Variants in EFR3A observed in about 807,000 individuals in gnomAD.
The protein encoded by EFR3A is protein EFR3 homolog A.
In EFR3A, 76 loss-of-function variants were observed where a neutral mutation model predicts 104.4. That is an observed-to-expected ratio of 0.73 (90% CI 0.60 to 0.88). EFR3A has a LOEUF of 0.88. EFR3A is among the 40% of genes least tolerant of loss of function. The probability of loss-of-function intolerance (pLI) is 0.00; values close to 1 mark genes in which losing one functional copy is unlikely to be tolerated. For missense variants in EFR3A, 985 were observed against 1,012.5 expected, an observed-to-expected ratio of 0.97 and a Z score of 0.37; for synonymous variants, 330 against 330.0, an observed-to-expected ratio of 1.00 and a Z score of 0.00.
At chr8:131,971,340 C>G (rs1199058892) in intron 10 of EFR3A, among the ~76,000 whole-genome samples, 1 of 152,100 alleles carries the variant, frequency 6.6e-6, no homozygotes, top group Non-Finnish European at 1.5e-5. Context: ...TGAGTAAAGT[C>G]CCCCTCCCAC....
At position 132,012,666 on chromosome 8, in the gene EFR3A, AG is replaced by A. The variant is rs1433925144; in HGVS notation, c.*1776del. On this transcript the variant is annotated 3_prime_UTR_variant, in exon 23 of 23. Transcript: ENST00000254624. ...CTATATATTTTAAAAAAATCTAAGC[AG>A]GGGGACATGCAAAAACAATCATCAT... 6.6e-6 allele frequency: 1 copy of A among 152,550 alleles called. No individual in the cohort carries two copies. Among genetic ancestry groups the A allele is most frequent in the Non-Finnish European group, 1.5e-5 (1 of 68,028 alleles). 9.4% of individuals were successfully genotyped at this position (152,550 alleles called of 1,614,324 possible).
Position 132,011,715 on chromosome 8 carries a change from T to C in EFR3A, c.*820T>C, listed in dbSNP as rs536506775. On this transcript the variant is annotated 3_prime_UTR_variant, in exon 23 of 23. Transcript: ENST00000254624. ...CCATTAATTAAATGAGATATATATT[T>C]AGTGCAGAAAAAAGACATTTAAAAC... The C allele has an allele frequency of 6.5e-6, 1 of 152,900 alleles. No homozygotes were observed. Among genetic ancestry groups the C allele is most frequent in the South Asian group, 2.1e-4 (1 of 4,828 alleles). 9.5% of individuals were successfully genotyped at this position (152,900 alleles called of 1,614,324 possible).
intron 8 of EFR3A, 63 bp downstream of exon 8, chr8:131,959,726 A>C: frequency 1.8e-6 from 2 of 1,091,816 alleles, no homozygotes; most frequent in Admixed American, 2.2e-5. Flanking sequence ...ATGGATAAGC[A>C]CATTATCAAA....
intron 10 of EFR3A, among the ~76,000 whole-genome samples, chr8:131,971,515 C>T (rs1027831609): frequency 3.9e-5 from 6 of 152,082 alleles, no homozygotes; most frequent in South Asian, 2.1e-4. Context: ...GGTGAAACCC[C>T]GTCTCTACTA....
At chr8:131,970,855 T>C (rs1270390759) in intron 10 of EFR3A, among the ~76,000 whole-genome samples, 1 of 152,238 alleles carries the variant, frequency 6.6e-6, no homozygotes, top group Non-Finnish European at 1.5e-5. Context: ...TCATCTATTG[T>C]TGACATTTTA....
intron 1 of EFR3A, among the ~76,000 whole-genome samples, chr8:131,910,358 A>T (rs1586514052): frequency 6.6e-6 from 1 of 150,538 alleles, no homozygotes; most frequent in Non-Finnish European, 1.5e-5. Flanking sequence ...TGCAACCTCC[A>T]CCTCCTGGAC....
At chr8:131,942,663 GATAAA>G (rs1818219676) in intron 2 of EFR3A, among the ~76,000 whole-genome samples, 1 of 152,072 alleles carries the variant, frequency 6.6e-6, no homozygotes, top group African/African-American at 2.4e-5. Context: ...AAGATAATCT[GATAAA>G]ATATAATAGT....
At chr8:131,925,980 A>T (rs924586573) in intron 1 of EFR3A, among the ~76,000 whole-genome samples, 3 of 152,240 alleles carry the variant, frequency 2.0e-5, no homozygotes, top group Admixed American at 6.5e-5. Context: ...TGAGTTTTAA[A>T]ATAAATGCAA....
At chr8:131,989,776 A>G (rs974131013) in intron 18 of EFR3A, among the ~76,000 whole-genome samples, 3 of 152,200 alleles carry the variant, frequency 2.0e-5, no homozygotes, top group Admixed American at 2.0e-4. Flanking sequence ...TCTAGTGGGA[A>G]AAGCAGATGA....
intron 14 of EFR3A, 104 bp downstream of exon 14, chr8:131,979,525 T>C (rs1563685888): frequency 1.2e-6 from 1 of 858,428 alleles, no homozygotes; most frequent in Admixed American, 2.8e-5. Flanking sequence ...AGCCATAGAA[T>C]TTTGAATTTG....
intron 19 of EFR3A, among the ~76,000 whole-genome samples, chr8:131,998,735 T>C (rs560195213): frequency 1.9e-4 from 29 of 152,230 alleles, no homozygotes; most frequent in Middle Eastern, 3.4e-3. Context: ...CAGTTGATTT[T>C]ATACCTTTTA....
At chr8:131,965,196 A>G (rs1819631804) in intron 8 of EFR3A, among the ~76,000 whole-genome samples, 1 of 152,232 alleles carries the variant, frequency 6.6e-6, no homozygotes, top group South Asian at 2.1e-4. Context: ...CAATGGCAAC[A>G]AAAGCCACAA....
intron 8 of EFR3A, among the ~76,000 whole-genome samples, chr8:131,965,371 GA>G (rs907739986): frequency 6.6e-6 from 1 of 151,894 alleles, no homozygotes; most frequent in Non-Finnish European, 1.5e-5. Context: ...AAGTTTGCAA[GA>G]AAAAAACAAC....
At chr8:131,949,942 G>A (rs1563654682) in intron 4 of EFR3A, 27 bp from the exon 5 acceptor site, 4 of 1,549,524 alleles carry the variant, frequency 2.6e-6, no homozygotes, top group Admixed American at 4.1e-5. Flanking sequence ...AGAAGGTGAA[G>A]TATATTATAT....
chr8:131,953,722 G>T, intron 5 of EFR3A, 96 bp from the exon 6 acceptor site: 1 of 1,101,692 alleles, frequency 9.1e-7, no homozygotes, highest in Non-Finnish European at 1.2e-6. Flanking sequence ...TAAGATAACA[G>T]TATTTACTTG....
intron 12 of EFR3A, among the ~76,000 whole-genome samples, chr8:131,978,477 C>T (rs994981652): frequency 6.6e-6 from 1 of 152,048 alleles, no homozygotes; most frequent in Non-Finnish European, 1.5e-5. Flanking sequence ...TCTTTGTCAC[C>T]TAAGCTCCTT....
chr8:131,919,272 C>T (rs1437061272), intron 1 of EFR3A, among the ~76,000 whole-genome samples: 1 of 152,076 alleles, frequency 6.6e-6, no homozygotes, highest in Non-Finnish European at 1.5e-5. Context: ...TTTAAAGCAG[C>T]TTTATTGAGA....
intron 10 of EFR3A, 117 bp from the exon 11 acceptor site, chr8:131,975,910 A>G: frequency 1.6e-6 from 1 of 633,986 alleles, no homozygotes; most frequent in Non-Finnish European, 2.8e-6. Flanking sequence ...CATGTAGCTT[A>G]CAGACTTGTG....
chr8:132,008,152 C>T (rs1163397488), intron 22 of EFR3A, among the ~76,000 whole-genome samples: 1 of 151,860 alleles, frequency 6.6e-6, no homozygotes, highest in East Asian at 1.9e-4. Flanking sequence ...AAAGGCAGAC[C>T]ACAAACTCAG....
Sources: allele counts gnomAD v4.1 joint callset (sites outside exome capture counted in the v4.1 genomes callset), GRCh38; gene constraint gnomAD v4.1.1; transcripts MANE v1.5; gene names NCBI Gene and HGNC (gene_info 2026-07-23, HGNC 2026-07-21).